MANBA: variants seen among roughly 807,000 people sequenced by gnomAD.
MANBA encodes mannosidase beta.
In MANBA, 83 loss-of-function variants were observed where a neutral mutation model predicts 111.1. The observed-to-expected ratio is 0.75, with a 90% confidence interval of 0.63 to 0.90. MANBA has a LOEUF of 0.90. Among genes scored for constraint, MANBA ranks in the 40% least tolerant of loss-of-function variants. The pLI, the probability that MANBA is intolerant of heterozygous loss-of-function variation, is 0.00. For missense variants in MANBA, 1,036 were observed against 1,069.0 expected (o/e 0.97, Z 0.43); for synonymous variants, 370 against 378.7 (o/e 0.98, Z 0.27).
At chr4:102,652,020 C>T (rs1331679491) in intron 12 of MANBA, among the ~76,000 whole-genome samples, 2 of 152,118 alleles carry the variant, frequency 1.3e-5, no homozygotes, top group Non-Finnish European at 2.9e-5. Flanking sequence ...TAATTTGATA[C>T]ATGTATACAA....
intron 11 of MANBA, 121 bp from the exon 12 acceptor site, chr4:102,658,021 T>C: frequency 1.4e-6 from 1 of 737,970 alleles, no homozygotes; most frequent in South Asian, 1.5e-5. Context: ...AGAAAATTAG[T>C]AGGACCACTT....
At position 102,631,473 on chromosome 4, in the gene MANBA, G is replaced by A; in HGVS notation, c.*584C>T. ...GAATATTTATAGAACGGTTAAATAAGCCACAGATGAAATATCAAGTTGTCA... is the reference window on the plus strand; with the variant it reads ...GAATATTTATAGAACGGTTAAATAAACCACAGATGAAATATCAAGTTGTCA... On this transcript the variant is annotated 3_prime_UTR_variant, in exon 17 of 17. Transcript: ENST00000647097. The A allele has an allele frequency of 3.0e-6, 1 of 328,654 alleles. No individual in the cohort carries two copies. Among genetic ancestry groups the A allele is most frequent in the Non-Finnish European group, 5.4e-6 (1 of 184,394 alleles). The allele number at this position is 328,654 out of a possible 1,614,324, so 20.4% of individuals were successfully genotyped here.
At chr4:102,669,845 T>G (rs1421001221) in intron 9 of MANBA, among the ~76,000 whole-genome samples, 3 of 151,744 alleles carry the variant, frequency 2.0e-5, no homozygotes, top group African/African-American at 7.3e-5. Flanking sequence ...CCGGGCAAGG[T>G]GGTGAGCGCC....
chr4:102,717,907 A>AT (rs1231685899), intron 4 of MANBA, among the ~76,000 whole-genome samples: 1 of 152,152 alleles, frequency 6.6e-6, no homozygotes, highest in African/African-American at 2.4e-5. Context: ...TGCTGTGATC[A>AT]TTTTTTTCTG....
intron 5 of MANBA, among the ~76,000 whole-genome samples, chr4:102,710,489 C>T (rs2110269223): frequency 6.6e-6 from 1 of 152,192 alleles, no homozygotes; most frequent in South Asian, 2.1e-4. Context: ...CTATAAACGT[C>T]TGATGAAATA....
chr4:102,643,099 G>A (rs1729952812), intron 13 of MANBA, among the ~76,000 whole-genome samples: 1 of 152,016 alleles, frequency 6.6e-6, no homozygotes, highest in Non-Finnish European at 1.5e-5. Flanking sequence ...ACCATACTGG[G>A]AAGCAGTCAC....
chr4:102,655,860 C>T lies in MANBA; in HGVS notation c.1704+1822G>A, dbSNP rs548060910. On this transcript the variant is annotated intron_variant, in intron 12 of 16. Transcript: ENST00000647097. ...AGTGAATAAGGTGACAACCCACAGA[C>T]TGGGAGAAAATATTTGCAAATCATA... Among the ~76,000 whole-genome samples, 6 of 152,218 alleles carry T rather than the reference C, an allele frequency of 3.9e-5. No homozygotes were observed. The South Asian group carries it at 1.2e-3, about 32-fold the overall frequency.
intron 10 of MANBA, chr4:102,665,105 A>G: frequency 1.4e-5 from 6 of 430,042 alleles, no homozygotes; most frequent in South Asian, 1.1e-4. Context: ...AACTGAAGAT[A>G]ATATAATCCC....
At chr4:102,656,937 A>T (rs1254771201) in intron 12 of MANBA, among the ~76,000 whole-genome samples, 1 of 152,126 alleles carries the variant, frequency 6.6e-6, no homozygotes, top group East Asian at 1.9e-4. Context: ...AGGGAAAAAT[A>T]GGGAGTGGTT....
intron 12 of MANBA, among the ~76,000 whole-genome samples, chr4:102,651,245 T>C (rs1234907720): frequency 2.0e-5 from 3 of 152,066 alleles, no homozygotes; most frequent in Non-Finnish European, 2.9e-5. Context: ...TATACATATG[T>C]TTAATTTTTA....
At chr4:102,725,583 T>C (rs1253706818) in intron 2 of MANBA, among the ~76,000 whole-genome samples, 3 of 152,204 alleles carry the variant, frequency 2.0e-5, no homozygotes, top group African/African-American at 7.2e-5. Flanking sequence ...ACACTTGCTA[T>C]TCTTGAACGA....
At chr4:102,635,654 T>G (rs1190797438) in intron 15 of MANBA, among the ~76,000 whole-genome samples, 1 of 152,206 alleles carries the variant, frequency 6.6e-6, no homozygotes, top group Non-Finnish European at 1.5e-5. Context: ...GAAGAGAGAC[T>G]GGTATCATTT....
At position 102,634,696 on chromosome 4, in the gene MANBA, C is replaced by T. The variant is rs1219407138; in HGVS notation, c.2415+92G>A. 9 of 1,541,276 alleles carry T rather than the reference C, an allele frequency of 5.8e-6. No individual in the cohort carries two copies. The Admixed American group carries it at 1.5e-4, about 26-fold the overall frequency. On this transcript the variant is annotated intron_variant, in intron 16 of 16. Coordinates refer to ENST00000647097, the MANE Select transcript of MANBA (RefSeq NM_005908.4). ...GGTAAACTCAGCACCAAGGGGGACA[C>T]ATGCAAATCTCAGGATGCAAGGAGC...
In MANBA at chr4:102,631,997, A is replaced by G. The variant is rs1578852599; in HGVS notation, c.*60T>C. 1 of 1,392,892 alleles carries G rather than the reference A, an allele frequency of 7.2e-7. No individual in the cohort carries two copies. Among genetic ancestry groups the G allele is most frequent in the Non-Finnish European group, 1.0e-6 (1 of 981,242 alleles). The allele number at this position is 1,392,892 out of a possible 1,614,324, so 86.3% of individuals were successfully genotyped here. ...CCTTGTCTCTGTTGCCTTCCTCTCC[A>G]GTCGGTGCTTTAGAAATGCTTTATT... is the stretch of plus-strand genomic sequence containing the variant. On this transcript the variant is annotated 3_prime_UTR_variant, in exon 17 of 17. Coordinates refer to ENST00000647097, the MANE Select transcript of MANBA (RefSeq NM_005908.4).
intron 3 of MANBA, 74 bp from the exon 4 acceptor site, chr4:102,723,115 AT>A: frequency 7.5e-7 from 1 of 1,331,234 alleles, no homozygotes; most frequent in Non-Finnish European, 1.1e-6. Flanking sequence ...AGATAAAGGC[AT>A]TTTGTATGAA....
chr4:102,739,890 G>C (rs1723341616), intron 1 of MANBA, among the ~76,000 whole-genome samples: 1 of 152,178 alleles, frequency 6.6e-6, no homozygotes, highest in African/African-American at 2.4e-5. Flanking sequence ...AACAAGACAA[G>C]GATGCCCACT....
At chr4:102,653,930 T>G (rs1419528924) in intron 12 of MANBA, among the ~76,000 whole-genome samples, 1 of 152,054 alleles carries the variant, frequency 6.6e-6, no homozygotes, top group Non-Finnish European at 1.5e-5. Context: ...AAGGAAGGAA[T>G]GAAGGAAGCA....
chr4:102,748,930 C>T (rs1333935776), intron 1 of MANBA, among the ~76,000 whole-genome samples: 2 of 151,590 alleles, frequency 1.3e-5, no homozygotes, highest in African/African-American at 4.8e-5. Context: ...AAAAAAAAAC[C>T]CATTTGCTAT....
At chr4:102,672,787 A>C (rs2110225053) in intron 8 of MANBA, among the ~76,000 whole-genome samples, 1 of 152,286 alleles carries the variant, frequency 6.6e-6, no homozygotes, top group South Asian at 2.1e-4. Context: ...CATGCTCCTT[A>C]TGAGAATCTA....
Sources: allele counts gnomAD v4.1 joint callset (sites outside exome capture counted in the v4.1 genomes callset), GRCh38; gene constraint gnomAD v4.1.1; transcripts MANE v1.5; gene names NCBI Gene and HGNC (gene_info 2026-07-23, HGNC 2026-07-21).